PELI2: variants seen among roughly 807,000 people sequenced by gnomAD.
PELI2 encodes E3 ubiquitin-protein ligase pellino homolog 2.
A neutral mutation model predicts 42.3 loss-of-function variants in PELI2; 23 were observed. That is an observed-to-expected ratio of 0.54 (90% CI 0.39 to 0.77). The LOEUF (loss-of-function observed/expected upper bound fraction) is 0.77. PELI2 is among the 30% of genes least tolerant of loss of function. The probability of loss-of-function intolerance (pLI) is 0.00; values close to 1 mark genes in which losing one functional copy is unlikely to be tolerated. For synonymous variants in PELI2, 245 were observed against 212.2 expected, an observed-to-expected ratio of 1.15 and a Z score of -1.34; for missense variants, 463 against 553.2, an observed-to-expected ratio of 0.84 and a Z score of 1.64.
intron 1 of PELI2, among the ~76,000 whole-genome samples, chr14:56,128,441 C>T (rs1883359702): frequency 6.6e-6 from 1 of 152,198 alleles, no homozygotes; most frequent in African/African-American, 2.4e-5. Context: ...AAGCTCACTC[C>T]CCTAGTTAGT....
intron 2 of PELI2, among the ~76,000 whole-genome samples, chr14:56,246,095 G>A (rs1338651212): frequency 6.6e-6 from 1 of 152,094 alleles, no homozygotes; most frequent in African/African-American, 2.4e-5. Context: ...GAGACTTCAG[G>A]AGTAATCTAC....
At chr14:56,234,513 A>G (rs1006457157) in intron 2 of PELI2, among the ~76,000 whole-genome samples, 2 of 152,140 alleles carry the variant, frequency 1.3e-5, no homozygotes, top group Non-Finnish European at 2.9e-5. Context: ...AGAAAACCAA[A>G]CACCATGTGT....
chr14:56,264,251 T>G (rs1305128063), intron 2 of PELI2, among the ~76,000 whole-genome samples: 1 of 152,196 alleles, frequency 6.6e-6, no homozygotes, highest in Non-Finnish European at 1.5e-5. Flanking sequence ...TTCTTGGTGA[T>G]TTCACTGTTT....
intron 2 of PELI2, among the ~76,000 whole-genome samples, chr14:56,228,190 C>T (rs1887430374): frequency 6.6e-6 from 1 of 152,192 alleles, no homozygotes; most frequent in South Asian, 2.1e-4. Flanking sequence ...ATTTTCATTT[C>T]AAATGGATAT....
intron 2 of PELI2, among the ~76,000 whole-genome samples, chr14:56,190,792 C>A (rs965522832): frequency 6.6e-6 from 1 of 152,090 alleles, no homozygotes; most frequent in African/African-American, 2.4e-5. Context: ...TAAGTTTTTG[C>A]AAATTATTAA....
intron 1 of PELI2, among the ~76,000 whole-genome samples, chr14:56,166,479 T>C (rs533004405): frequency 1.1e-4 from 17 of 152,324 alleles, no homozygotes; most frequent in African/African-American, 4.1e-4. Flanking sequence ...TACCTTCAGG[T>C]GATTATCTAT....
intron 2 of PELI2, among the ~76,000 whole-genome samples, chr14:56,190,114 T>C (rs1443105995): frequency 6.6e-6 from 1 of 152,212 alleles, no homozygotes; most frequent in East Asian, 1.9e-4. Context: ...TGAATAGTTA[T>C]ATTTAAAAAA....
At chr14:56,276,601 G>A (rs972446336) in intron 2 of PELI2, among the ~76,000 whole-genome samples, 14 of 152,186 alleles carry the variant, frequency 9.2e-5, no homozygotes, top group Non-Finnish European at 1.8e-4. Context: ...AGCCACCCAT[G>A]CTGCAGGGTG....
chr14:56,124,025 A>G (rs1418519786), intron 1 of PELI2, among the ~76,000 whole-genome samples: 17 of 152,226 alleles, frequency 1.1e-4, no homozygotes, highest in Admixed American at 1.1e-3. Flanking sequence ...ATGTCTTTTG[A>G]TTTAATTAAA....
intron 4 of PELI2, among the ~76,000 whole-genome samples, chr14:56,289,540 C>T (rs1889758195): frequency 6.6e-6 from 1 of 152,126 alleles, no homozygotes; most frequent in Non-Finnish European, 1.5e-5. Context: ...ATGTGCTGTG[C>T]CCACCTGTAA....
chr14:56,251,718 C>G (rs2139815999), intron 2 of PELI2, among the ~76,000 whole-genome samples: 1 of 152,312 alleles, frequency 6.6e-6, no homozygotes, highest in East Asian at 1.9e-4. Context: ...ACGAACTACT[C>G]TTGGAAAGAG....
chr14:56,199,537 C>A (rs774721207), intron 2 of PELI2, among the ~76,000 whole-genome samples: 3 of 151,936 alleles, frequency 2.0e-5, no homozygotes, highest in Non-Finnish European at 4.4e-5. Context: ...TTAAATCTAC[C>A]CAGTGCTTCA....
chr14:56,174,190 A>G (rs1885285538), intron 1 of PELI2, among the ~76,000 whole-genome samples: 2 of 152,328 alleles, frequency 1.3e-5, no homozygotes, highest in Middle Eastern at 3.4e-3. Flanking sequence ...GGCATGAGCC[A>G]TCATGCCCAG....
chr14:56,151,317 A>T (rs1323987282), intron 1 of PELI2, among the ~76,000 whole-genome samples: 1 of 152,144 alleles, frequency 6.6e-6, no homozygotes, highest in Admixed American at 6.5e-5. Context: ...CACCTCTGTG[A>T]ACTCATTTTT....
Position 56,226,766 on chromosome 14 carries a change from T to C in PELI2, c.207+48302T>C, listed in dbSNP as rs189492125. On this transcript the variant is annotated intron_variant, in intron 2 of 5. Coordinates refer to ENST00000267460, the MANE Select transcript of PELI2 (RefSeq NM_021255.3). ...ATGTCTCCATTACAATGAAATGATA[T>C]TTTGTTTGTTCAGGCATAAGTTTTG... Among the ~76,000 whole-genome samples, 6 of 152,356 alleles carry C rather than the reference T, an allele frequency of 3.9e-5. No homozygotes were observed. The East Asian group carries it at 1.2e-3, about 29-fold the overall frequency.
At chr14:56,166,140 T>C (rs796289955) in intron 1 of PELI2, among the ~76,000 whole-genome samples, 1 of 152,222 alleles carries the variant, frequency 6.6e-6, no homozygotes, top group Non-Finnish European at 1.5e-5. Context: ...ATCTGTTGTA[T>C]GTTTTTTGAT....
chr14:56,174,104 C>T lies in PELI2; in HGVS notation c.78-4231C>T, dbSNP rs147523849. On this transcript the variant is annotated intron_variant, in intron 1 of 5. Transcript: ENST00000267460. ...TTTAAGTAGAGACAGGGTTTCACCACGTTGGCCAGGCTGGTTTCGAACTCC... is the reference window on the plus strand; with the variant it reads ...TTTAAGTAGAGACAGGGTTTCACCATGTTGGCCAGGCTGGTTTCGAACTCC... Among the ~76,000 whole-genome samples, 4 of 152,176 alleles carry T rather than the reference C, an allele frequency of 2.6e-5. No individual in the cohort carries two copies. In the East Asian group the frequency reaches 5.8e-4, roughly 22 times the overall value.
intron 2 of PELI2, among the ~76,000 whole-genome samples, chr14:56,275,277 C>A (rs183274719): frequency 2.0e-5 from 3 of 152,304 alleles, no homozygotes; most frequent in Non-Finnish European, 4.4e-5. Context: ...CAGCAGTCCC[C>A]AGCCATTTTG....
intron 5 of PELI2, among the ~76,000 whole-genome samples, chr14:56,292,534 T>TAA (rs1274836681): frequency 2.6e-5 from 4 of 152,346 alleles, no homozygotes; most frequent in African/African-American, 9.6e-5. Flanking sequence ...TGCAGTCTAA[T>TAA]ACAGAAATAT....
Sources: gnomAD v4.1 joint callset for allele counts (sites outside exome capture counted in the v4.1 genomes callset) on GRCh38, gnomAD v4.1.1 for gene constraint, MANE v1.5 for transcripts, NCBI Gene and HGNC (gene_info 2026-07-23, HGNC 2026-07-21) for gene names.